The following NCKAP5 variants were observed in gnomAD, a reference collection of about 807,000 sequenced individuals.
NCKAP5 encodes nck-associated protein 5.
NCKAP5 carries 92 observed loss-of-function variants against 167.0 expected under a neutral mutation model. The ratio of observed to expected loss-of-function variants is 0.55; its 90% CI spans 0.47 to 0.66. NCKAP5 has a LOEUF of 0.66. Among genes scored for constraint, NCKAP5 ranks in the 30% least tolerant of loss-of-function variants. NCKAP5 has a pLI of 0.00. For missense variants in NCKAP5, 2,378 were observed against 2,315.0 expected (o/e 1.03, Z -0.56); for synonymous variants, 891 against 877.4 (o/e 1.02, Z -0.27).
Position 133,349,340 on chromosome 2 carries a change from C to CAG in NCKAP5, c.70-46232_70-46231dup, listed in dbSNP as rs200848688. 3.6e-3 allele frequency among the ~76,000 whole-genome samples: 551 copies of CAG among 152,308 alleles called. 18 individuals are homozygous for CAG. Among genetic ancestry groups the CAG allele is most frequent in the Admixed American group, 0.03 (465 of 15,296 alleles). On this transcript the variant is annotated intron_variant, in intron 3 of 19. Transcript: ENST00000409261. ...AACTGCACATTAGAAAAGGCTGCCACAGTGGGCCTGACTTCTGCTCCGCAC... is the reference window on the plus strand; with the variant it reads ...AACTGCACATTAGAAAAGGCTGCCACAGAGTGGGCCTGACTTCTGCTCCGCAC...
chr2:132,919,251 A>G (rs1695121624), intron 8 of NCKAP5, among the ~76,000 whole-genome samples: 1 of 152,208 alleles, frequency 6.6e-6, no homozygotes, highest in Admixed American at 6.5e-5. Flanking sequence ...TTTCAGGTAG[A>G]GCACTCCCAG....
At chr2:132,746,001 T>G (rs1679608178) in intron 16 of NCKAP5, among the ~76,000 whole-genome samples, 1 of 152,014 alleles carries the variant, frequency 6.6e-6, no homozygotes, top group South Asian at 2.1e-4. Flanking sequence ...TCAATTCTCT[T>G]CAAATTGATC....
rs534839790 is a variant in NCKAP5, at chr2:133,228,473, T to C, written c.144-14694A>G. On this transcript the variant is annotated intron_variant, in intron 4 of 19. Transcript: ENST00000409261. ...TACTATCTTGACCCCTTCCTAGTTA[T>C]TGTGACTTAACAATTTATATTAAGC... 2.3e-3 allele frequency among the ~76,000 whole-genome samples: 357 copies of C among 152,326 alleles called. 2 individuals carry two copies. Among genetic ancestry groups the C allele is most frequent in the African/African-American group, 8.2e-3 (342 of 41,586 alleles).
chr2:133,566,712 G>A (rs1197880472), intron 1 of NCKAP5, among the ~76,000 whole-genome samples: 4 of 152,180 alleles, frequency 2.6e-5, no homozygotes, highest in Non-Finnish European at 4.4e-5. Flanking sequence ...CCATCTTACT[G>A]GGTGCTCTTG....
At chr2:133,611,246 C>A in the NCKAP5 span, among the ~76,000 whole-genome samples, 1 of 151,970 alleles carries the variant, frequency 6.6e-6, no homozygotes, top group South Asian at 2.1e-4. Flanking sequence ...CAGAGACCAC[C>A]CCCACCCTCA....
At chr2:132,884,698 AAGCC>A (rs1442487360) in intron 8 of NCKAP5, among the ~76,000 whole-genome samples, 1 of 152,176 alleles carries the variant, frequency 6.6e-6, no homozygotes. Context: ...TGATTTTAGT[AAGCC>A]AGCAGTACAA....
chr2:133,401,732 G>A (rs1688112294), intron 3 of NCKAP5, among the ~76,000 whole-genome samples: 1 of 152,146 alleles, frequency 6.6e-6, no homozygotes, highest in Non-Finnish European at 1.5e-5. Context: ...AAAGGATATT[G>A]GGTTATCTCA....
rs543307939 is a variant in NCKAP5, at chr2:132,979,621, A to G, written c.429+14531T>C. ...TCTGAATCTAGGCTGTTGGCCTCTG[A>G]AGGCTTTAAACTTATCCAACATTCT... On this transcript the variant is annotated intron_variant, in intron 7 of 19. Coordinates refer to ENST00000409261, the MANE Select transcript of NCKAP5 (RefSeq NM_207363.3). 6.6e-5 allele frequency among the ~76,000 whole-genome samples: 10 copies of G among 152,280 alleles called. No individual in the cohort carries two copies. In the South Asian group the frequency reaches 2.1e-3, roughly 32 times the overall value.
chr2:132,743,312 T>C (rs1188385799), intron 16 of NCKAP5, among the ~76,000 whole-genome samples: 9 of 151,882 alleles, frequency 5.9e-5, no homozygotes, highest in Non-Finnish European at 1.0e-4. Flanking sequence ...GGCAGATGTA[T>C]ATTAAAGAAT....
At chr2:132,846,501 T>A (rs1447554) in intron 11 of NCKAP5, among the ~76,000 whole-genome samples, 1 of 151,754 alleles carries the variant, frequency 6.6e-6, no homozygotes, top group East Asian at 1.9e-4. Flanking sequence ...GATGGGGTCT[T>A]GCGATGTTGG....
chr2:133,663,302 TGA>T, the NCKAP5 span, among the ~76,000 whole-genome samples: 1 of 150,770 alleles, frequency 6.6e-6, no homozygotes, highest in African/African-American at 2.4e-5. Context: ...ATGCCGGTTA[TGA>T]GCTGTCAGCA....
intron 4 of NCKAP5, among the ~76,000 whole-genome samples, chr2:133,233,742 T>C (rs1039611047): frequency 3.3e-5 from 5 of 152,232 alleles, no homozygotes; most frequent in Non-Finnish European, 5.9e-5. Context: ...GCTACTATTC[T>C]ACATGCTTTT....
chr2:132,794,854 G>T (rs1684453740), intron 12 of NCKAP5, among the ~76,000 whole-genome samples: 1 of 152,132 alleles, frequency 6.6e-6, no homozygotes. Flanking sequence ...AGGGATCACT[G>T]ATGTGAGCTT....
intron 6 of NCKAP5, among the ~76,000 whole-genome samples, chr2:133,034,137 T>C (rs2078969014): frequency 6.6e-6 from 1 of 151,960 alleles, no homozygotes; most frequent in Non-Finnish European, 1.5e-5. Context: ...AAGAAACAAT[T>C]AACATAAGCT....
chr2:133,602,576 T>A, the NCKAP5 span, among the ~76,000 whole-genome samples: 1 of 152,006 alleles, frequency 6.6e-6, no homozygotes, highest in Non-Finnish European at 1.5e-5. Context: ...AAAGTGGAGG[T>A]CTGCCGGCAT....
At chr2:133,001,420 A>G (rs752344744) in intron 6 of NCKAP5, among the ~76,000 whole-genome samples, 7 of 152,046 alleles carry the variant, frequency 4.6e-5, no homozygotes, top group Non-Finnish European at 7.4e-5. Context: ...GGGTTTTGCC[A>G]TGTTTCCCAG....
intron 6 of NCKAP5, among the ~76,000 whole-genome samples, chr2:133,109,386 C>T (rs948127972): frequency 6.6e-6 from 1 of 152,178 alleles, no homozygotes; most frequent in Non-Finnish European, 1.5e-5. Context: ...CAGCAACTCT[C>T]TACCACTAAC....
rs183597356 is a variant in NCKAP5, at chr2:133,195,060, C to T, written c.207+18656G>A. ...TTTATTTGAACCACTGCTTCTCATA[C>T]CATATACTGCAGGTGCTATGAGCCA... On this transcript the variant is annotated intron_variant, in intron 5 of 19. Coordinates refer to ENST00000409261, the MANE Select transcript of NCKAP5 (RefSeq NM_207363.3). Among the ~76,000 whole-genome samples, 386 of 152,054 alleles carry T rather than the reference C, an allele frequency of 2.5e-3. 1 individual carries two copies. Among genetic ancestry groups the T allele is most frequent in the Non-Finnish European group, 2.6e-3 (178 of 68,000 alleles).
chr2:133,190,529 G>A (rs181071528), intron 5 of NCKAP5, among the ~76,000 whole-genome samples: 1,569 of 152,234 alleles, frequency 0.01, 31 homozygotes, highest in African/African-American at 0.036. Flanking sequence ...ATACTACAAG[G>A]CTACAGTAAC....
Sources: allele counts gnomAD v4.1 joint callset (sites outside exome capture counted in the v4.1 genomes callset), GRCh38; gene constraint gnomAD v4.1.1; transcripts MANE v1.5; gene names NCBI Gene and HGNC (gene_info 2026-07-23, HGNC 2026-07-21).